Variants in ATP2B3 observed in about 807,000 individuals in gnomAD.
The protein encoded by ATP2B3 is plasma membrane calcium-transporting ATPase 3.
Under a neutral mutation model 70.8 loss-of-function variants are expected in ATP2B3, and 12 were observed. The observed-to-expected ratio is 0.17, with a 90% confidence interval of 0.11 to 0.27. The LOEUF is 0.27. ATP2B3 is among the 10% of genes least tolerant of loss of function. The probability of loss-of-function intolerance (pLI) is 1.00; values close to 1 mark genes in which losing one functional copy is unlikely to be tolerated. For missense variants in ATP2B3, 858 were observed against 1,118.5 expected (o/e 0.77, Z 3.32); for synonymous variants, 460 against 497.8 (o/e 0.92, Z 1.01).
intron 7 of ATP2B3, among the ~76,000 whole-genome samples, chrX:153,543,488 T>A (rs1424843506): frequency 8.9e-6 from 1 of 112,770 alleles, no homozygotes; most frequent in East Asian, 2.8e-4. Context: ...GCCTCATGCT[T>A]ACCCTCAGGG....
At position 153,578,243 on chromosome X, in the gene ATP2B3, C is replaced by T. The variant is rs151106959; in HGVS notation, c.3343-1735C>T. ...AAACCCAGAAAACCAAATCCTAGGT[C>T]GAACCTTGGCCCCAGAAATGCTTCA... On this transcript the variant is annotated intron_variant, in intron 21 of 21. Coordinates refer to ENST00000263519, the MANE Select transcript of ATP2B3 (RefSeq NM_001001344.3). Among the ~76,000 whole-genome samples, 379 of 112,529 alleles carry T rather than the reference C, an allele frequency of 3.4e-3. 1 individual carries two copies. The highest frequency in any genetic ancestry group is 0.012 in the African/African-American group (366 of 31,023).
At chrX:153,558,867 T>C (rs781948596) in intron 17 of ATP2B3, among the ~76,000 whole-genome samples, 42 of 111,645 alleles carry the variant, frequency 3.8e-4, no homozygotes, top group African/African-American at 1.3e-3. Flanking sequence ...TGAATGGTGC[T>C]GCCAGGAGCA....
Position 153,556,278 on chromosome X carries a change from C to A in ATP2B3, c.2238+50C>A, listed in dbSNP as rs781930451. 7 of 1,200,012 alleles carry A rather than the reference C, an allele frequency of 5.8e-6. No individual in the cohort carries two copies. In the Admixed American group the frequency reaches 6.8e-5, roughly 12 times the overall value. ...CAGACCCCCCTTCTCCTCACCCCAG[C>A]CCCCTGCGTGCCCGCCTTAGCTCTG... On this transcript the variant is annotated intron_variant, in intron 14 of 21. Transcript: ENST00000263519.
At position 153,580,240 on chromosome X, in the gene ATP2B3, C is replaced by T. The variant is rs782221144; in HGVS notation, c.3605C>T (p.Ser1202Phe). The T allele has an allele frequency of 2.5e-6, 3 of 1,208,196 alleles. No individual in the cohort carries two copies. In the South Asian group the frequency reaches 5.3e-5, roughly 21 times the overall value. The change falls in exon 22 of 22, where the codon TCT (serine) becomes TTT (phenylalanine). Residue 1202 changes from serine (S) to phenylalanine (F), a missense_variant. Around this residue, in one of 5 missense-constraint regions of ATP2B3, gnomAD observed 265 missense variants for 305.3 expected, o/e 0.87. Transcript: ENST00000263519. ...LTTHVTKSATSSVFSSSPGSP... is the reference protein window; with the variant it reads ...LTTHVTKSATFSVFSSSPGSP... ...ACGCATGTCACCAAGTCAGCTACCT[C>T]TTCAGTGTTTTCCTCCAGTCCCGGG...
chrX:153,569,564 C>T, intron 21 of ATP2B3: 3 of 1,203,177 alleles, frequency 2.5e-6, no homozygotes, highest in East Asian at 3.0e-5. Context: ...GCCTGGACAA[C>T]AGTGCAAGCC....
intron 21 of ATP2B3, chrX:153,569,510 C>A: frequency 9.9e-7 from 1 of 1,005,993 alleles, no homozygotes; most frequent in Non-Finnish European, 1.4e-6. Context: ...CCCTATGTGC[C>A]CAGTGGTGGC....
At chrX:153,569,431 C>G in intron 21 of ATP2B3, 1 of 562,827 alleles carries the variant, frequency 1.8e-6, no homozygotes, top group East Asian at 3.4e-5. Flanking sequence ...AGGCTGGCCT[C>G]AGTCAGGGCC....
At chrX:153,522,892 TG>T (rs1264927812) in intron 2 of ATP2B3, among the ~76,000 whole-genome samples, 2 of 6,189 alleles carry the variant, frequency 3.2e-4, no homozygotes, top group East Asian at 0.012. Context: ...GGAGGAGACG[TG>T]GGTTTTTTTT....
At chrX:153,542,259 A>C (rs2090296837) in intron 5 of ATP2B3, 64 bp from the exon 6 acceptor site, 1 of 1,189,890 alleles carries the variant, frequency 8.4e-7, no homozygotes, top group Non-Finnish European at 1.1e-6. Flanking sequence ...ACCTGACGGG[A>C]CCTCCCCTGG....
At chrX:153,572,095 A>C (rs1403968138) in intron 21 of ATP2B3, among the ~76,000 whole-genome samples, 1 of 112,908 alleles carries the variant, frequency 8.9e-6, no homozygotes, top group Non-Finnish European at 1.9e-5. Flanking sequence ...GTTGTCCCCA[A>C]GGGCCAGGAC....
chrX:153,558,384 GTTTTC>G, intron 17 of ATP2B3, 81 bp downstream of exon 17: 3 of 960,007 alleles, frequency 3.1e-6, no homozygotes, highest in Non-Finnish European at 4.2e-6. Flanking sequence ...TGAGGGTTTT[GTTTTC>G]TTTGCTGCAG....
intron 12 of ATP2B3, among the ~76,000 whole-genome samples, chrX:153,552,454 C>G (rs782296584): frequency 1.6e-3 from 177 of 112,454 alleles, no homozygotes; most frequent in Admixed American, 5.8e-3. Flanking sequence ...CTCCTCTCCC[C>G]ACCTGAATCC....
intron 7 of ATP2B3, among the ~76,000 whole-genome samples, chrX:153,543,535 C>T (rs377758341): frequency 5.3e-5 from 6 of 112,710 alleles, no homozygotes; most frequent in Non-Finnish European, 9.4e-5. Context: ...CCCAGGCCAG[C>T]GTGGGAGGCA....
chrX:153,526,750 G>A (rs187727073), intron 2 of ATP2B3, among the ~76,000 whole-genome samples: 41 of 111,630 alleles, frequency 3.7e-4, no homozygotes, highest in African/African-American at 1.2e-3. Context: ...CGGTGTGCTC[G>A]TTCCTTGGGT....
intron 21 of ATP2B3, among the ~76,000 whole-genome samples, chrX:153,568,672 T>A (rs1557018924): frequency 8.9e-6 from 1 of 111,949 alleles, no homozygotes; most frequent in Admixed American, 9.4e-5. Context: ...GGAGGAGTCC[T>A]TTCCACAGCG....
Position 153,547,984 on chromosome X carries a change from C to G in ATP2B3, c.1108C>G (p.Gln370Glu), listed in dbSNP as rs1345845247. The stretch of plus-strand genomic sequence containing the variant: ...GGGGAAGCTCACAAAGCTAGCCGTG[C>G]AGATCGGGAAAGCAGGTAGGGACAG... ...LQGKLTKLAV[Q>E]IGKAGLVMSA... The change falls in exon 9 of 22, where the codon CAG becomes GAG. Residue 370 changes from glutamine (Q) to glutamate (E), a missense_variant. By Grantham distance (29) the Gln-to-Glu change is conservative. This residue lies in a region of ATP2B3 where 278 missense variants were observed against 366.2 expected (regional missense o/e 0.76). Coordinates refer to ENST00000263519, the MANE Select transcript of ATP2B3 (RefSeq NM_001001344.3). 8.3e-7 allele frequency: 1 copy of G among 1,203,390 alleles called. No homozygotes were observed. Among genetic ancestry groups the G allele is most frequent in the Non-Finnish European group, 1.1e-6 (1 of 891,294 alleles).
intron 17 of ATP2B3, 70 bp downstream of exon 17, chrX:153,558,373 G>C (rs1557014860): frequency 5.0e-6 from 5 of 1,008,295 alleles, no homozygotes; most frequent in Non-Finnish European, 6.6e-6. Flanking sequence ...GATTGTGAGA[G>C]TGAGGGTTTT....
chrX:153,535,847 T>C (rs1351728179), intron 2 of ATP2B3, among the ~76,000 whole-genome samples: 1 of 112,256 alleles, frequency 8.9e-6, no homozygotes, highest in African/African-American at 3.2e-5. Context: ...TGTTAACCAC[T>C]GCAGGGTCCT....
At chrX:153,524,091 AT>A (rs11340403) in intron 2 of ATP2B3, among the ~76,000 whole-genome samples, 32,821 of 104,910 alleles carry the variant, frequency 0.31, 5,032 homozygotes, top group African/African-American at 0.59. Flanking sequence ...GTTCTTTGCC[AT>A]TTTTTTTTTT....
Sources: gnomAD v4.1 joint callset for allele counts (sites outside exome capture counted in the v4.1 genomes callset) on GRCh38, gnomAD v4.1.1 for gene constraint, gnomAD v4.1.1 regional missense constraint, MANE v1.5 for transcripts, NCBI Gene and HGNC (gene_info 2026-07-23, HGNC 2026-07-21) for gene names.